The following C13orf42 variants were observed in gnomAD, a reference collection of about 807,000 sequenced individuals.
C13orf42 encodes uncharacterized protein C13orf42.
intron 1 of C13orf42, among the ~76,000 whole-genome samples, chr13:51,153,546 CTT>C (rs1953798099): frequency 1.3e-5 from 2 of 150,232 alleles, no homozygotes; most frequent in Non-Finnish European, 1.5e-5. Context: ...AAATTACTCT[CTT>C]AACCATTTTA....
intron 1 of C13orf42, among the ~76,000 whole-genome samples, chr13:51,158,326 C>T (rs1210203722): frequency 6.6e-5 from 10 of 152,230 alleles, no homozygotes; most frequent in South Asian, 4.1e-4. Context: ...GGCTATGCCT[C>T]TCCCTGCTTC....
chr13:51,118,930 A>G (rs4284538), intron 1 of C13orf42, among the ~76,000 whole-genome samples: 61,440 of 150,210 alleles, frequency 0.41, 14,601 homozygotes, highest in African/African-American at 0.66. Flanking sequence ...TGTGTGCCCA[A>G]GTGTATGGCA....
intron 1 of C13orf42, among the ~76,000 whole-genome samples, chr13:51,165,995 T>G (rs904757778): frequency 6.6e-6 from 1 of 152,218 alleles, no homozygotes; most frequent in African/African-American, 2.4e-5. Flanking sequence ...TTACTTAATC[T>G]TCATAGTCAT....
At position 51,083,179 on chromosome 13, in the gene C13orf42, A is replaced by C. The variant is rs1323774139; in HGVS notation, c.*972T>G. On this transcript the variant is annotated 3_prime_UTR_variant, in exon 4 of 4. Transcript: ENST00000563710. ...AGTGAGAATAGATAAATTTCAGTATATTCTCCAAACCAGTGGTTCTCAAGC... is the reference window on the plus strand; with the variant it reads ...AGTGAGAATAGATAAATTTCAGTATCTTCTCCAAACCAGTGGTTCTCAAGC... 2.0e-5 allele frequency: 3 copies of C among 152,272 alleles called. No homozygotes were observed. Among genetic ancestry groups the C allele is most frequent in the African/African-American group, 4.8e-5 (2 of 41,472 alleles). The allele number at this position is 152,272 out of a possible 1,614,324, so 9.4% of individuals were successfully genotyped here.
chr13:51,168,894 CTAAGA>C (rs1953922271), intron 1 of C13orf42, among the ~76,000 whole-genome samples: 1 of 152,136 alleles, frequency 6.6e-6, no homozygotes, highest in South Asian at 2.1e-4. Flanking sequence ...CTCTCGCCAT[CTAAGA>C]TAAGCCTCTT....
At chr13:51,101,669 G>A (rs1055532304) in intron 1 of C13orf42, among the ~76,000 whole-genome samples, 1 of 152,162 alleles carries the variant, frequency 6.6e-6, no homozygotes, top group Non-Finnish European at 1.5e-5. Context: ...CTAAAGGTCG[G>A]AGTTAAAAAG....
intron 1 of C13orf42, among the ~76,000 whole-genome samples, chr13:51,159,926 A>G (rs910880507): frequency 2.9e-4 from 44 of 152,218 alleles, no homozygotes; most frequent in Non-Finnish European, 8.8e-5. Flanking sequence ...GCGGAGGGTG[A>G]AAGATACTTC....
chr13:51,140,203 C>T (rs1431426878), intron 1 of C13orf42, among the ~76,000 whole-genome samples: 4 of 152,170 alleles, frequency 2.6e-5, no homozygotes, highest in Admixed American at 2.0e-4. Flanking sequence ...CTAGAAGCTC[C>T]CTCCCTGCTT....
chr13:51,166,856 A>G (rs1953906013), intron 1 of C13orf42, among the ~76,000 whole-genome samples: 1 of 152,164 alleles, frequency 6.6e-6, no homozygotes, highest in Non-Finnish European at 1.5e-5. Context: ...AGGCGGGCGC[A>G]TTGCCTGAGG....
chr13:51,156,162 A>C (rs1291324633), intron 1 of C13orf42, among the ~76,000 whole-genome samples: 1 of 152,168 alleles, frequency 6.6e-6, no homozygotes, highest in Non-Finnish European at 1.5e-5. Context: ...TGGGCCTGCC[A>C]CGTGCCTAGG....
At chr13:51,131,240 T>C (rs1211214035) in intron 1 of C13orf42, among the ~76,000 whole-genome samples, 1 of 152,236 alleles carries the variant, frequency 6.6e-6, no homozygotes, top group Non-Finnish European at 1.5e-5. Flanking sequence ...CCTCCAGAAT[T>C]TGGAAACTAT....
At chr13:51,110,329 T>C (rs191971776) in intron 1 of C13orf42, among the ~76,000 whole-genome samples, 4 of 152,312 alleles carry the variant, frequency 2.6e-5, no homozygotes, top group Admixed American at 2.0e-4. Flanking sequence ...TGGGAAGGAA[T>C]TGATAGATGT....
chr13:51,156,667 A>G (rs1444916511), intron 1 of C13orf42, among the ~76,000 whole-genome samples: 1 of 152,262 alleles, frequency 6.6e-6, no homozygotes, highest in East Asian at 1.9e-4. Flanking sequence ...ATTATTGTAA[A>G]GACTAGTGGA....
chr13:51,089,115 G>A (rs7336329), intron 1 of C13orf42, among the ~76,000 whole-genome samples: 116,414 of 152,154 alleles, frequency 0.77, 45,275 homozygotes, highest in African/African-American at 0.92. Context: ...TTATATGGGC[G>A]TTTTGAAAAT....
upstream of C13orf42, among the ~76,000 whole-genome samples, chr13:51,111,501 C>T (rs1012423557): frequency 6.6e-6 from 1 of 152,196 alleles, no homozygotes; most frequent in Non-Finnish European, 1.5e-5. Context: ...GCATTGAGTG[C>T]AAATACCTTC....
intron 1 of C13orf42, among the ~76,000 whole-genome samples, chr13:51,141,756 C>G (rs1168657749): frequency 6.6e-6 from 1 of 151,966 alleles, no homozygotes; most frequent in Non-Finnish European, 1.5e-5. Flanking sequence ...CGAGATCCCA[C>G]CACTGCACTC....
At chr13:51,162,635 T>C (rs1165595767) in intron 1 of C13orf42, among the ~76,000 whole-genome samples, 2 of 152,202 alleles carry the variant, frequency 1.3e-5, no homozygotes, top group Non-Finnish European at 2.9e-5. Flanking sequence ...CTGGATGATA[T>C]CTCTCTCCCT....
intron 1 of C13orf42, among the ~76,000 whole-genome samples, chr13:51,095,923 A>AT (rs1953230359): frequency 1.3e-5 from 2 of 151,902 alleles, no homozygotes; most frequent in Non-Finnish European, 2.9e-5. Context: ...ATAATTCATA[A>AT]TTTTTTTGTT....
At chr13:51,110,401 T>G (rs759986584) in intron 1 of C13orf42, among the ~76,000 whole-genome samples, 1 of 152,164 alleles carries the variant, frequency 6.6e-6, no homozygotes, top group Non-Finnish European at 1.5e-5. Context: ...AGCTGCTCTG[T>G]GGACACCACT....
Sources: gnomAD v4.1 joint callset for allele counts (sites outside exome capture counted in the v4.1 genomes callset) on GRCh38, gnomAD v4.1.1 for gene constraint, MANE v1.5 for transcripts, NCBI Gene and HGNC (gene_info 2026-07-23, HGNC 2026-07-21) for gene names.